CPSF4L: variants seen among roughly 807,000 people sequenced by gnomAD.
CPSF4L encodes the protein putative cleavage and polyadenylation specificity factor subunit 4-like protein.
A neutral mutation model predicts 24.0 loss-of-function variants in CPSF4L; 18 were observed. That is an observed-to-expected ratio of 0.75 (90% confidence interval 0.52 to 1.11). The LOEUF (loss-of-function observed/expected upper bound fraction) is 1.11, where lower values mean the gene tolerates loss of function less well. Ranked by LOEUF, CPSF4L falls within the 50% of genes least tolerant of loss-of-function variation. The pLI, the probability that CPSF4L is intolerant of heterozygous loss-of-function variation, is 0.00. For synonymous variants in CPSF4L, 72 were observed against 77.2 expected, an observed-to-expected ratio of 0.93 and a Z score of 0.35; for missense variants, 211 against 221.8, an observed-to-expected ratio of 0.95 and a Z score of 0.31.
At chr17:73,257,966 C>A in intron 2 of CPSF4L, 133 bp from the exon 3 acceptor site, 1 of 874,808 alleles carries the variant, frequency 1.1e-6, no homozygotes, top group African/African-American at 1.7e-5. Context: ...TTCACCTGGA[C>A]CCTGTAGGGG....
chr17:73,260,892 C>T, intron 2 of CPSF4L, 41 bp downstream of exon 2: 3 of 1,526,242 alleles, frequency 2.0e-6, no homozygotes, highest in South Asian at 2.4e-5. Flanking sequence ...ACAGACCCTA[C>T]ACTCACCCAG....
upstream of CPSF4L, among the ~76,000 whole-genome samples, chr17:73,263,718 C>T (rs886618157): frequency 6.7e-6 from 1 of 148,694 alleles, no homozygotes; most frequent in South Asian, 2.1e-4. Context: ...CACCACAGGG[C>T]TCTGAGAACT....
chr17:73,253,910 C>T, intron 4 of CPSF4L, 21 bp downstream of exon 4: 3 of 1,528,058 alleles, frequency 2.0e-6, no homozygotes, highest in Non-Finnish European at 2.7e-6. Context: ...CCCTAGGGCT[C>T]CCTGGCTTCC....
the CPSF4L span, chr17:73,242,804 C>A: frequency 2.2e-6 from 2 of 899,618 alleles, no homozygotes; most frequent in Non-Finnish European, 3.5e-6. Context: ...ACAGTTCCAT[C>A]ACTCAGGCTA....
At chr17:73,262,139 C>T (rs527770134), upstream of CPSF4L, 7 of 289,740 alleles carry the variant, frequency 2.4e-5, no homozygotes, top group South Asian at 5.9e-5. Flanking sequence ...CGAACACAAA[C>T]GTGGCGTGCA....
the CPSF4L span, chr17:73,243,095 T>TTGTTTTTTTTG: frequency 2.1e-6 from 2 of 936,786 alleles, no homozygotes; most frequent in African/African-American, 3.5e-5. Context: ...TTTTTTTTTT[T>TTGTTTTTTTTG]TTTTTTACAG....
upstream of CPSF4L, chr17:73,262,071 T>C (rs7217300): frequency 1 from 503,270 of 505,212 alleles, 250,699 homozygotes; most frequent in Non-Finnish European, 1. Context: ...TACACAAGGC[T>C]CACTCGGATA....
chr17:73,251,084 C>G, intron 5 of CPSF4L: 1 of 1,547,618 alleles, frequency 6.5e-7, no homozygotes, highest in South Asian at 1.2e-5. Flanking sequence ...GTGCTGAATC[C>G]CGGGGCCGGC....
upstream of CPSF4L, among the ~76,000 whole-genome samples, chr17:73,262,993 G>A (rs2062052975): frequency 6.6e-6 from 1 of 152,190 alleles, no homozygotes; most frequent in African/African-American, 2.4e-5. Flanking sequence ...GGACTGGGAG[G>A]AGCAGGGACG....
At chr17:73,252,248 C>G (rs768747566) in intron 5 of CPSF4L, among the ~76,000 whole-genome samples, 45 of 152,208 alleles carry the variant, frequency 3.0e-4, no homozygotes, top group Admixed American at 1.8e-3. Flanking sequence ...CTCCCATCTT[C>G]TGCTCATTAA....
intron 4 of CPSF4L, 143 bp from the exon 5 acceptor site, chr17:73,252,866 A>C (rs1599411716): frequency 1.7e-6 from 1 of 600,788 alleles, no homozygotes. Context: ...TCCTTTCTGT[A>C]CCACCCTAAA....
chr17:73,260,100 T>C (rs1280933641), intron 2 of CPSF4L, among the ~76,000 whole-genome samples: 1 of 152,146 alleles, frequency 6.6e-6, no homozygotes, highest in Non-Finnish European at 1.5e-5. Context: ...AAGTGGAGGA[T>C]GCTTTTTGAT....
intron 3 of CPSF4L, among the ~76,000 whole-genome samples, chr17:73,254,965 C>T (rs955362852): frequency 1.3e-5 from 2 of 152,164 alleles, no homozygotes; most frequent in Non-Finnish European, 2.9e-5. Context: ...TAAGAGCTCT[C>T]TTAGATTTCT....
chr17:73,242,171 C>T, the CPSF4L span: 2 of 994,308 alleles, frequency 2.0e-6, no homozygotes, highest in South Asian at 3.1e-5. Flanking sequence ...GCCGTGGATC[C>T]TTCGGCACTG....
downstream of CPSF4L, chr17:73,248,129 C>T (rs1371947871): frequency 1.7e-5 from 4 of 236,092 alleles, no homozygotes; most frequent in Middle Eastern, 1.5e-3. Flanking sequence ...AAAGTTGCCT[C>T]GTGAGGATAC....
chr17:73,261,505 C>CA (rs556630560), intron 1 of CPSF4L, among the ~76,000 whole-genome samples: 6 of 152,012 alleles, frequency 3.9e-5, no homozygotes, highest in South Asian at 2.1e-4. Context: ...ACTAAAAATA[C>CA]AAAAAATCAG....
intron 2 of CPSF4L, among the ~76,000 whole-genome samples, chr17:73,258,960 T>C (rs1342982737): frequency 2.0e-5 from 3 of 152,244 alleles, no homozygotes; most frequent in Non-Finnish European, 4.4e-5. Context: ...TCCATGGAAA[T>C]GTTACATTTA....
At chr17:73,242,276 A>G in the CPSF4L span, 1 of 1,604,890 alleles carries the variant, frequency 6.2e-7, no homozygotes, top group Non-Finnish European at 8.5e-7. Flanking sequence ...AACTCATATA[A>G]GGAGTTTGGA....
rs1372780664 is a variant in CPSF4L at position 73,257,902 on chromosome 17, G to A, written c.155-69C>T. 8 of 1,514,052 alleles carry A rather than the reference G, an allele frequency of 5.3e-6. No homozygotes were observed. The East Asian group carries it at 2.0e-4, about 37-fold the overall frequency. The allele number at this position is 1,514,052 out of a possible 1,614,324, so 93.8% of individuals were successfully genotyped here. On this transcript the variant is annotated intron_variant, in intron 2 of 5. Transcript: ENST00000344935. ...GCCTGGGCCCAGCTCAGCCCTCCAG[G>A]GGATTCCCCAGGAGGGTACCTGACT...
Sources: gnomAD v4.1 joint callset for allele counts (sites outside exome capture counted in the v4.1 genomes callset) on GRCh38, gnomAD v4.1.1 for gene constraint, MANE v1.5 for transcripts, NCBI Gene and HGNC (gene_info 2026-07-23, HGNC 2026-07-21) for gene names.